Variants in PMM2 observed in about 807,000 individuals in gnomAD.
The protein encoded by PMM2 is phosphomannomutase 2.
Under a neutral mutation model 33.2 loss-of-function variants are expected in PMM2, and 35 were observed. That is an observed-to-expected ratio of 1.06 (90% CI 0.81 to 1.40). The LOEUF (loss-of-function observed/expected upper bound fraction) is 1.40. Ranked by LOEUF, PMM2 falls within the 40% of genes most tolerant of loss-of-function variation. The probability of loss-of-function intolerance (pLI) is 0.00; values close to 1 mark genes in which losing one functional copy is unlikely to be tolerated. For missense variants in PMM2, 386 were observed against 306.0 expected, an observed-to-expected ratio of 1.26 and a Z score of -1.95; for synonymous variants, 153 against 114.7, an observed-to-expected ratio of 1.33 and a Z score of -2.13.
At chr16:8,822,677 A>C (rs1452097979) in intron 7 of PMM2, among the ~76,000 whole-genome samples, 4 of 152,144 alleles carry the variant, frequency 2.6e-5, no homozygotes, top group African/African-American at 9.7e-5. Flanking sequence ...ATACTGTGGG[A>C]TATGAAGATG....
intron 7 of PMM2, among the ~76,000 whole-genome samples, chr16:8,836,053 A>G (rs28845572): frequency 0.28 from 42,028 of 150,072 alleles, 6,186 homozygotes; most frequent in South Asian, 0.33. Context: ...TAATGTCTAA[A>G]TTGGCACCAG....
intron 7 of PMM2, among the ~76,000 whole-genome samples, chr16:8,819,257 G>C (rs1529914): frequency 0.9 from 136,539 of 152,280 alleles, 61,580 homozygotes; most frequent in East Asian, 0.97. Flanking sequence ...GCTGTAAAAA[G>C]AGTCCATGTG....
chr16:8,837,919 T>G (rs1237615952), intron 7 of PMM2, among the ~76,000 whole-genome samples: 2 of 152,112 alleles, frequency 1.3e-5, no homozygotes, highest in African/African-American at 4.8e-5. Flanking sequence ...GTGTCTCCTT[T>G]GTCTCTACCA....
chr16:8,820,348 C>CTTTTTTTTTTT (rs1451905873), intron 7 of PMM2, among the ~76,000 whole-genome samples: 2 of 131,358 alleles, frequency 1.5e-5, no homozygotes, highest in Non-Finnish European at 1.5e-5. Context: ...GGACACAGTT[C>CTTTTTTTTTTT]TTCTTTTTTT....
rs1429291332 is a variant in PMM2, at chr16:8,817,470, C to T, written c.639+4364C>T. Among the ~76,000 whole-genome samples, 7 of 152,308 alleles carry T rather than the reference C, an allele frequency of 4.6e-5. No homozygotes were observed. In the South Asian group the frequency reaches 1.4e-3, roughly 32 times the overall value. On this transcript the variant is annotated intron_variant, in intron 7 of 7. Coordinates refer to ENST00000268261, the MANE Select transcript of PMM2 (RefSeq NM_000303.3). ...ACAGCAGATTGTTCTGTAATGATGA[C>T]ATTCTTGCTTCATGTAAATAGCCAT...
At chr16:8,799,273 C>T (rs942092836) in intron 1 of PMM2, among the ~76,000 whole-genome samples, 2 of 152,160 alleles carry the variant, frequency 1.3e-5, no homozygotes, top group Non-Finnish European at 2.9e-5. Context: ...GTTTACATTG[C>T]CACCCTTTTT....
At chr16:8,827,131 A>G (rs2060773198) in intron 7 of PMM2, among the ~76,000 whole-genome samples, 1 of 152,110 alleles carries the variant, frequency 6.6e-6, no homozygotes, top group Non-Finnish European at 1.5e-5. Context: ...GTCTGCTTAC[A>G]CTTCTTGGGG....
At chr16:8,823,865 C>T (rs2060751530) in intron 7 of PMM2, among the ~76,000 whole-genome samples, 2 of 152,182 alleles carry the variant, frequency 1.3e-5, no homozygotes, top group Admixed American at 1.3e-4. Flanking sequence ...CAAGGGACTT[C>T]TATTGGCTCT....
chr16:8,828,989 T>G (rs1480290611), intron 7 of PMM2, among the ~76,000 whole-genome samples: 1 of 152,186 alleles, frequency 6.6e-6, no homozygotes, highest in Non-Finnish European at 1.5e-5. Flanking sequence ...TTTTTCTTTT[T>G]TCTTTTGAGA....
chr16:8,833,558 T>C (rs1172431175), intron 7 of PMM2, among the ~76,000 whole-genome samples: 2 of 151,500 alleles, frequency 1.3e-5, no homozygotes, highest in Non-Finnish European at 2.9e-5. Flanking sequence ...GGAGAGAGAA[T>C]GGACGATGTT....
intron 7 of PMM2, among the ~76,000 whole-genome samples, chr16:8,830,032 C>A (rs1385822397): frequency 1.3e-5 from 2 of 152,058 alleles, no homozygotes; most frequent in African/African-American, 4.8e-5. Flanking sequence ...GATGGGGCTA[C>A]AGACAGATAC....
At chr16:8,812,697 A>G (rs941824005) in intron 6 of PMM2, among the ~76,000 whole-genome samples, 7 of 152,218 alleles carry the variant, frequency 4.6e-5, no homozygotes, top group African/African-American at 1.4e-4. Context: ...TTTCATAAGC[A>G]TGCTTCCTTT....
intron 7 of PMM2, chr16:8,832,320 C>G (rs1567166217): frequency 1.0e-6 from 1 of 985,344 alleles, no homozygotes; most frequent in East Asian, 1.1e-4. Flanking sequence ...AGAAGCAACC[C>G]AGAGAGGCTC....
chr16:8,820,310 A>C (rs2141029136), intron 7 of PMM2, among the ~76,000 whole-genome samples: 1 of 151,116 alleles, frequency 6.6e-6, no homozygotes, highest in Admixed American at 6.6e-5. Flanking sequence ...CAGTGAGGAC[A>C]GTGACAGTGA....
rs62033462 is a variant in PMM2 at position 8,829,646 on chromosome 16, C to T, written c.639+16540C>T. 4.6e-5 allele frequency among the ~76,000 whole-genome samples: 7 copies of T among 152,274 alleles called. No individual in the cohort carries two copies. The East Asian group carries it at 9.7e-4, about 21-fold the overall frequency. On this transcript the variant is annotated intron_variant, in intron 7 of 7. Transcript: ENST00000268261. ...CAAGGTGGGAAGGGACGCCTTCCAC[C>T]GGGAATTCAAAGGATGGTCTCTGAG...
intron 7 of PMM2, among the ~76,000 whole-genome samples, chr16:8,816,837 C>G (rs2060711260): frequency 6.6e-6 from 1 of 152,186 alleles, no homozygotes; most frequent in South Asian, 2.1e-4. Flanking sequence ...TGATGGAAAA[C>G]TACATAGTGG....
intron 4 of PMM2, 116 bp downstream of exon 4, chr16:8,806,523 C>CA: frequency 1.3e-6 from 1 of 765,550 alleles, no homozygotes; most frequent in Non-Finnish European, 2.3e-6. Flanking sequence ...GTTTTAAAAA[C>CA]AAAGTCTGAT....
intron 7 of PMM2, among the ~76,000 whole-genome samples, chr16:8,821,212 C>T (rs79224986): frequency 0.012 from 1,808 of 152,278 alleles, 37 homozygotes; most frequent in African/African-American, 0.039. Context: ...TGAATTGCCG[C>T]TCCCACAGTC....
intron 7 of PMM2, among the ~76,000 whole-genome samples, chr16:8,827,691 C>T (rs1191653552): frequency 1.5e-5 from 2 of 134,146 alleles, no homozygotes; most frequent in Non-Finnish European, 3.1e-5. Flanking sequence ...CCACTGCACC[C>T]AGCCCACAAA....
Sources: allele counts gnomAD v4.1 joint callset (sites outside exome capture counted in the v4.1 genomes callset), GRCh38; gene constraint gnomAD v4.1.1; transcripts MANE v1.5; gene names NCBI Gene and HGNC (gene_info 2026-07-23, HGNC 2026-07-21).